The following MTUS1 variants were observed in gnomAD, a reference collection of about 807,000 sequenced individuals.
MTUS1 encodes the protein microtubule-associated tumor suppressor 1.
Under a neutral mutation model 120.8 loss-of-function variants are expected in MTUS1, and 109 were observed. The ratio of observed to expected loss-of-function variants is 0.90; its 90% CI spans 0.77 to 1.06. MTUS1 has a LOEUF of 1.06. MTUS1 is among the 50% of genes least tolerant of loss of function. MTUS1 has a pLI of 0.00. For missense variants in MTUS1, 2,210 were observed against 1,486.3 expected (o/e 1.49, Z -8.01); for synonymous variants, 737 against 550.5 (o/e 1.34, Z -4.74).
chr8:17,684,691 A>C, intron 6 of MTUS1, 149 bp from the exon 7 acceptor site: 9 of 656,904 alleles, frequency 1.4e-5, no homozygotes, highest in South Asian at 1.3e-4. Flanking sequence ...AACTGGAATG[A>C]ATCGGAGATC....
At position 17,762,807 on chromosome 8, in the gene MTUS1, C is replaced by G. The variant is rs367826832; in HGVS notation, c.-154-6846G>C. On this transcript the variant is annotated intron_variant, in intron 1 of 14. Transcript: ENST00000693296. ...CCTTTGGTTGGTCAACTGACTGATT[C>G]AGAAGGCAAGGATGGGGCCTGAGAT... Among the ~76,000 whole-genome samples the G allele has an allele frequency of 7.2e-5, 11 of 152,248 alleles. No homozygotes were observed. The East Asian group carries it at 1.4e-3, about 19-fold the overall frequency.
intron 2 of MTUS1, among the ~76,000 whole-genome samples, chr8:17,745,676 C>T (rs1309066303): frequency 1.3e-5 from 2 of 152,178 alleles, no homozygotes; most frequent in Non-Finnish European, 2.9e-5. Flanking sequence ...GTTTTCAATC[C>T]TTCCCCTGGG....
intron 1 of MTUS1, among the ~76,000 whole-genome samples, chr8:17,777,919 A>C (rs1480449678): frequency 1.3e-5 from 2 of 152,226 alleles, no homozygotes; most frequent in Non-Finnish European, 2.9e-5. Flanking sequence ...ACTATTTATA[A>C]ATTATGCAGT....
intron 7 of MTUS1, among the ~76,000 whole-genome samples, chr8:17,679,403 T>C (rs1813826858): frequency 6.6e-6 from 1 of 151,968 alleles, no homozygotes; most frequent in South Asian, 2.1e-4. Context: ...TATACTTCTG[T>C]AATGGGAATG....
chr8:17,769,539 G>C (rs1181616533), intron 1 of MTUS1, among the ~76,000 whole-genome samples: 1 of 150,840 alleles, frequency 6.6e-6, no homozygotes, highest in Non-Finnish European at 1.5e-5. Flanking sequence ...AGTAGAGACG[G>C]GATTTCACCG....
rs1269280902 is a variant in MTUS1, at chr8:17,774,989, A to AAC, written c.-154-19029_-154-19028insGT. On this transcript the variant is annotated intron_variant, in intron 1 of 14. Coordinates refer to ENST00000693296, the MANE Select transcript of MTUS1 (RefSeq NM_001363059.2). ...TTATAAGTAAAAAAAAAAAAAAAAA[A>AAC]AAAACCAGAAAAGGACAAATATTGG... 4.9e-4 allele frequency among the ~76,000 whole-genome samples: 74 copies of AAC among 151,080 alleles called. 1 individual carries two copies. The South Asian group carries it at 0.013, about 26-fold the overall frequency.
chr8:17,785,390 G>A (rs1158271363), intron 1 of MTUS1, among the ~76,000 whole-genome samples: 1 of 152,206 alleles, frequency 6.6e-6, no homozygotes, highest in Admixed American at 6.5e-5. Flanking sequence ...CTAAGGCATA[G>A]GCAGGTGAGT....
intron 1 of MTUS1, among the ~76,000 whole-genome samples, chr8:17,767,713 A>AAAACAAACAAACAAAAAAAAAAAAAC: frequency 1.4e-5 from 2 of 141,184 alleles, no homozygotes; most frequent in African/African-American, 5.1e-5. Flanking sequence ...AAAAAAAAAA[A>AAAACAAACAAACAAAAAAAAAAAAAC]AAAAACGGTG....
Position 17,645,751 on chromosome 8 carries a change from T to A in MTUS1, c.*175A>T. ...AATCTTTTGGACGGAGGCAAAAGTC[T>A]TCCTCCAGAGTTCCAGTCTCAGAAG... On this transcript the variant is annotated 3_prime_UTR_variant, in exon 15 of 15. Coordinates refer to ENST00000693296, the MANE Select transcript of MTUS1 (RefSeq NM_001363059.2). 1 of 777,386 alleles carries A rather than the reference T, an allele frequency of 1.3e-6. No homozygotes were observed. Among genetic ancestry groups the A allele is most frequent in the Non-Finnish European group, 1.9e-6 (1 of 534,220 alleles). 48.2% of individuals were successfully genotyped at this position (777,386 alleles called of 1,614,324 possible).
chr8:17,724,013 T>C (rs1044727176), intron 3 of MTUS1, 180 bp from the exon 4 acceptor site: 6 of 591,778 alleles, frequency 1.0e-5, no homozygotes, highest in East Asian at 2.8e-5. Flanking sequence ...TTATTTTTGA[T>C]CATTTAGAGG....
chr8:17,669,384 C>A (rs982724158), intron 8 of MTUS1, among the ~76,000 whole-genome samples: 1 of 152,072 alleles, frequency 6.6e-6, no homozygotes, highest in Non-Finnish European at 1.5e-5. Flanking sequence ...GCAAATGAAC[C>A]CATGGCCGGG....
intron 7 of MTUS1, among the ~76,000 whole-genome samples, chr8:17,679,654 A>T (rs983684769): frequency 6.6e-6 from 1 of 152,044 alleles, no homozygotes; most frequent in Admixed American, 6.6e-5. Context: ...GGCACATGCC[A>T]CCATGCCTGG....
intron 3 of MTUS1, among the ~76,000 whole-genome samples, chr8:17,742,297 T>TTTTTTTTTTTG (rs2047392736): frequency 1.4e-5 from 2 of 142,240 alleles, no homozygotes; most frequent in African/African-American, 5.4e-5. Context: ...TGTTGTTTTT[T>TTTTTTTTTTTG]TTTTTTTTTT....
rs748145527 is a variant in MTUS1, at chr8:17,754,291, T to C, written c.1517A>G (p.Asn506Ser). ...KTEIISYPRPNFKNVKAKVMS... is the reference protein window; with the variant it reads ...KTEIISYPRPSFKNVKAKVMS... The stretch of plus-strand genomic sequence containing the variant: ...AACTTTTGCTTTGACATTCTTGAAG[T>C]TTGGTCTTGGGTAACTTATAATTTC... Residue 506 changes from asparagine (N) to serine (S), a missense_variant, in exon 2 of 15, where the codon AAC becomes AGC. Transcript: ENST00000693296. The C allele has an allele frequency of 2.5e-6, 4 of 1,614,048 alleles. No homozygotes were observed. In the South Asian group the frequency reaches 3.3e-5, roughly 13 times the overall value.
intron 3 of MTUS1, among the ~76,000 whole-genome samples, chr8:17,729,945 G>A (rs1374688268): frequency 6.8e-6 from 1 of 146,642 alleles, no homozygotes; most frequent in African/African-American, 2.5e-5. Context: ...AATCACAATC[G>A]CGCGAGATAC....
intron 1 of MTUS1, among the ~76,000 whole-genome samples, chr8:17,759,372 T>A (rs967159385): frequency 2.0e-5 from 3 of 148,420 alleles, no homozygotes; most frequent in African/African-American, 7.4e-5. Context: ...CAAGCGATCT[T>A]CCCACCTCAG....
In MTUS1 at chr8:17,789,131, C is replaced by G. The variant is rs575605813; in HGVS notation, c.-155+11930G>C. Among the ~76,000 whole-genome samples the G allele has an allele frequency of 1.0e-3, 154 of 152,044 alleles. 1 individual carries two copies. The highest frequency in any genetic ancestry group is 3.5e-3 in the African/African-American group (144 of 41,470). On this transcript the variant is annotated intron_variant, in intron 1 of 14. Transcript: ENST00000693296. ...CACCACAACCTCCGCCTCCCAGGTT[C>G]AAGCGATTCTCCTGCCTCAGCCTGA...
chr8:17,720,996 G>C (rs569161222), intron 4 of MTUS1, among the ~76,000 whole-genome samples: 1 of 152,124 alleles, frequency 6.6e-6, no homozygotes, highest in African/African-American at 2.4e-5. Context: ...AAAAAATTTA[G>C]TAACATTATT....
chr8:17,754,691 C>CTG lies in MTUS1; in HGVS notation c.1116_1117insCA (p.Glu373GlnfsTer24). 1 of 1,614,226 alleles carries CTG rather than the reference C, an allele frequency of 6.2e-7. No homozygotes were observed. The highest frequency in any genetic ancestry group is 8.5e-7 in the Non-Finnish European group (1 of 1,180,032). ...GAGACCATTTGTGTGTCTTCAGTCT[C>CTG]AGTGACTTTATGCTCTGGGTTCAGC... On this transcript the variant is annotated frameshift_variant, in exon 2 of 15. Coordinates refer to ENST00000693296, the MANE Select transcript of MTUS1 (RefSeq NM_001363059.2). LOFTEE classifies it high-confidence loss of function.
Sources: gnomAD v4.1 joint callset for allele counts (sites outside exome capture counted in the v4.1 genomes callset) on GRCh38, gnomAD v4.1.1 for gene constraint, MANE v1.5 for transcripts, NCBI Gene and HGNC (gene_info 2026-07-23, HGNC 2026-07-21) for gene names.